The following ST14 variants were observed in gnomAD, a reference collection of about 807,000 sequenced individuals.
The protein encoded by ST14 is ST14 transmembrane serine protease matriptase, also known as suppressor of tumorigenicity 14 protein.
A neutral mutation model predicts 96.5 loss-of-function variants in ST14; 40 were observed. The observed-to-expected ratio is 0.41, with a 90% confidence interval of 0.32 to 0.54. The LOEUF is 0.54. Among genes scored for constraint, ST14 ranks in the 20% least tolerant of loss-of-function variants. ST14 has a pLI of 0.17. For synonymous variants in ST14, 506 were observed against 492.1 expected (o/e 1.03, Z -0.37); for missense variants, 1,066 against 1,188.9 (o/e 0.90, Z 1.52).
rs185128286 is a variant in ST14, at chr11:130,204,563, G to A, written c.1995-3847G>A. 1.2e-4 allele frequency among the ~76,000 whole-genome samples: 19 copies of A among 152,268 alleles called. No homozygotes were observed. In the East Asian group the frequency reaches 3.5e-3, roughly 28 times the overall value. On this transcript the variant is annotated intron_variant, in intron 16 of 18. Transcript: ENST00000278742. The stretch of plus-strand genomic sequence containing the variant: ...GCGGTGGCTCATGCCTATAATCCCA[G>A]CACTTTGGGAAGCCGAAGCAGGCAG...
At chr11:130,173,702 C>T (rs1953113481) in intron 1 of ST14, among the ~76,000 whole-genome samples, 1 of 152,146 alleles carries the variant, frequency 6.6e-6, no homozygotes, top group Admixed American at 6.5e-5. Context: ...CAGGTCTTTC[C>T]AGGATCCCAG....
At chr11:130,206,756 C>CG (rs1953493983) in intron 16 of ST14, among the ~76,000 whole-genome samples, 1 of 151,848 alleles carries the variant, frequency 6.6e-6, no homozygotes, top group South Asian at 2.1e-4. Flanking sequence ...TTGGTAGAGG[C>CG]GGGGTTTCAC....
intron 1 of ST14, among the ~76,000 whole-genome samples, chr11:130,162,411 A>G (rs1422514264): frequency 2.6e-5 from 4 of 152,180 alleles, no homozygotes; most frequent in Admixed American, 2.6e-4. Context: ...TTGATGGTGA[A>G]TATGAAGCTG....
intron 1 of ST14, among the ~76,000 whole-genome samples, chr11:130,167,359 A>G (rs556002378): frequency 5.3e-5 from 8 of 152,312 alleles, no homozygotes; most frequent in Non-Finnish European, 8.8e-5. Flanking sequence ...CACAATATAG[A>G]AATGTACAGT....
chr11:130,166,859 A>T (rs1953045817), intron 1 of ST14, among the ~76,000 whole-genome samples: 1 of 152,226 alleles, frequency 6.6e-6, no homozygotes, highest in African/African-American at 2.4e-5. Flanking sequence ...AGTTATTATT[A>T]AAAGTCTAAT....
intron 1 of ST14, among the ~76,000 whole-genome samples, chr11:130,170,672 CTTGGTTCCTAACA>C (rs1421112083): frequency 6.6e-6 from 1 of 151,606 alleles, no homozygotes; most frequent in East Asian, 2.0e-4. Context: ...TTAGGAACCT[CTTGGTTCCTAACA>C]GGCTTGGGGG....
intron 16 of ST14, among the ~76,000 whole-genome samples, chr11:130,202,143 C>T (rs1565628214): frequency 6.6e-6 from 1 of 152,220 alleles, no homozygotes; most frequent in African/African-American, 2.4e-5. Flanking sequence ...TAGGAAATGG[C>T]TGGGTGCATA....
At chr11:130,172,411 CTTTTTTTTTTTT>C (rs1173051845) in intron 1 of ST14, among the ~76,000 whole-genome samples, 6 of 88,286 alleles carry the variant, frequency 6.8e-5, no homozygotes, top group Admixed American at 1.3e-4. Flanking sequence ...TGGCTGTCTT[CTTTTTTTTTTTT>C]TTTTTTTTTT....
chr11:130,194,084 G>A (rs912270122), intron 7 of ST14, 65 bp from the exon 8 acceptor site: 125 of 1,612,350 alleles, frequency 7.8e-5, no homozygotes, highest in Non-Finnish European at 9.4e-5. Flanking sequence ...TGAGAGCCTG[G>A]TTTGGGTGTG....
At chr11:130,160,757 A>T (rs1952992939) in intron 1 of ST14, among the ~76,000 whole-genome samples, 1 of 152,194 alleles carries the variant, frequency 6.6e-6, no homozygotes, top group Non-Finnish European at 1.5e-5. Context: ...TCTCAAAAAG[A>T]TTACATGTTC....
At chr11:130,179,897 G>T (rs1953174563) in intron 1 of ST14, among the ~76,000 whole-genome samples, 1 of 152,200 alleles carries the variant, frequency 6.6e-6, no homozygotes, top group African/African-American at 2.4e-5. Context: ...GGTTGTGCTG[G>T]CTCGGTCTTT....
intron 1 of ST14, among the ~76,000 whole-genome samples, chr11:130,182,387 CTA>C (rs1208284741): frequency 6.6e-6 from 1 of 151,140 alleles, no homozygotes; most frequent in Non-Finnish European, 1.5e-5. Context: ...AGTGGCATGA[CTA>C]TGGCTCACTG....
chr11:130,167,401 C>A (rs942393130), intron 1 of ST14, among the ~76,000 whole-genome samples: 1 of 152,094 alleles, frequency 6.6e-6, no homozygotes, highest in Non-Finnish European at 1.5e-5. Context: ...ATTCCCTCTC[C>A]CAGATTTTAG....
In ST14 at chr11:130,209,756, A is replaced by C; in HGVS notation, c.2501A>C (p.Asn834Thr). ...VSWGDGCAQR[N>T]KPGVYTRLPL... ...TGGGGAGACGGCTGCGCTCAGAGGA[A>C]CAAGCCAGGCGTGTACACAAGGCTC... The change falls in exon 19 of 19, where the codon AAC (asparagine) becomes ACC (threonine). Residue 834 changes from asparagine (N) to threonine (T), a missense_variant. Coordinates refer to ENST00000278742, the MANE Select transcript of ST14 (RefSeq NM_021978.4). 6.2e-7 allele frequency: 1 copy of C among 1,613,968 alleles called. No individual in the cohort carries two copies. The highest frequency in any genetic ancestry group is 8.5e-7 in the Non-Finnish European group (1 of 1,180,010).
In ST14 at chr11:130,199,706, G is replaced by C. The variant is rs183066729; in HGVS notation, c.1808-245G>C. On this transcript the variant is annotated intron_variant, in intron 15 of 18. Coordinates refer to ENST00000278742, the MANE Select transcript of ST14 (RefSeq NM_021978.4). ...AGGCCCTCGCTGCATTTGTGAGGGA[G>C]GGGGAGGTGGGAAGATGAGGGTTTG... Among the ~76,000 whole-genome samples the C allele has an allele frequency of 8.2e-4, 125 of 152,336 alleles. 4 individuals are homozygous for C. The highest frequency in any genetic ancestry group is 7.9e-3 in the Admixed American group (121 of 15,306).
intron 15 of ST14, among the ~76,000 whole-genome samples, chr11:130,199,439 C>T (rs1953405180): frequency 1.3e-5 from 2 of 152,342 alleles, no homozygotes; most frequent in African/African-American, 4.8e-5. Flanking sequence ...CCTGCCCATA[C>T]TTTAATCTGC....
At chr11:130,198,699 G>A (rs1039920163) in intron 14 of ST14, 78 bp downstream of exon 14, 2 of 1,405,188 alleles carry the variant, frequency 1.4e-6, no homozygotes, top group Admixed American at 1.9e-5. Context: ...GCACATGCAG[G>A]ACGCCCCGAG....
In ST14 at chr11:130,172,861, G is replaced by A. The variant is rs562085144; in HGVS notation, c.81+12801G>A. ...TTGACAAAGTGAAACATAAGATGAG[G>A]TCTTTTTCTAGGATGGAGTTATTTA... On this transcript the variant is annotated intron_variant, in intron 1 of 18. Transcript: ENST00000278742. Among the ~76,000 whole-genome samples, 6 of 152,290 alleles carry A rather than the reference G, an allele frequency of 3.9e-5. No homozygotes were observed. In the East Asian group the frequency reaches 1.2e-3, roughly 29 times the overall value.
Position 130,208,665 on chromosome 11 carries a change from G to T in ST14, c.2250G>T (p.Trp750Cys), listed in dbSNP as rs1284895569. ...PAGKAIWVTG[W>C]GHTQYGGTGA... ...GCAAGGCCATCTGGGTCACGGGCTG[G>T]GGACACACCCAGTATGGAGGTAAGC... The change falls in exon 17 of 19, where the codon TGG (tryptophan) becomes TGT (cysteine). Residue 750 changes from tryptophan to cysteine, a missense_variant. Physicochemically the swap from Trp to Cys is radical, Grantham distance 215 (BLOSUM62 -2). Coordinates refer to ENST00000278742, the MANE Select transcript of ST14 (RefSeq NM_021978.4). 1 of 1,613,692 alleles carries T rather than the reference G, an allele frequency of 6.2e-7. No individual in the cohort carries two copies. The highest frequency in any genetic ancestry group is 8.5e-7 in the Non-Finnish European group (1 of 1,179,858).
Sources: allele counts gnomAD v4.1 joint callset (sites outside exome capture counted in the v4.1 genomes callset), GRCh38; gene constraint gnomAD v4.1.1; transcripts MANE v1.5; gene names NCBI Gene and HGNC (gene_info 2026-07-23, HGNC 2026-07-21).